CA10: variants seen among roughly 807,000 people sequenced by gnomAD.
CA10 encodes carbonic anhydrase-related protein 10.
Under a neutral mutation model 44.2 loss-of-function variants are expected in CA10, and 14 were observed. The ratio of observed to expected loss-of-function variants is 0.32; its 90% CI spans 0.21 to 0.50. CA10 has a LOEUF of 0.50. Ranked by LOEUF, CA10 falls within the 20% of genes least tolerant of loss-of-function variation. The pLI is 0.99. For missense variants in CA10, 350 were observed against 409.7 expected (o/e 0.85, Z 1.26); for synonymous variants, 159 against 141.6 (o/e 1.12, Z -0.87).
At chr17:51,938,223 C>A (rs1982939379) in intron 2 of CA10, among the ~76,000 whole-genome samples, 1 of 152,110 alleles carries the variant, frequency 6.6e-6, no homozygotes, top group African/African-American at 2.4e-5. Context: ...TATAAATGGT[C>A]TAGCATAATG....
chr17:52,087,861 G>A (rs1486014187), intron 1 of CA10, among the ~76,000 whole-genome samples: 3 of 152,154 alleles, frequency 2.0e-5, no homozygotes, highest in Non-Finnish European at 2.9e-5. Flanking sequence ...AAAACTTTCA[G>A]AAGAGTTAAC....
chr17:52,095,033 GCTTT>G (rs1158295605), intron 1 of CA10, among the ~76,000 whole-genome samples: 1 of 152,150 alleles, frequency 6.6e-6, no homozygotes, highest in Non-Finnish European at 1.5e-5. Context: ...GTTTACATCA[GCTTT>G]ATTTATCATA....
At chr17:51,993,610 T>C (rs1019334334) in intron 2 of CA10, among the ~76,000 whole-genome samples, 2 of 152,114 alleles carry the variant, frequency 1.3e-5, no homozygotes, top group Non-Finnish European at 2.9e-5. Context: ...TAATTATTTA[T>C]CATTGTATTC....
At chr17:51,728,583 C>A (rs1916606426) in intron 4 of CA10, among the ~76,000 whole-genome samples, 1 of 152,138 alleles carries the variant, frequency 6.6e-6, no homozygotes, top group Non-Finnish European at 1.5e-5. Context: ...TTATTCTGGG[C>A]TTATGGATTT....
chr17:52,124,894 T>A (rs1426935975), intron 1 of CA10, among the ~76,000 whole-genome samples: 1 of 152,238 alleles, frequency 6.6e-6, no homozygotes, highest in Non-Finnish European at 1.5e-5. Context: ...AAGGTCCATA[T>A]CTTTCTACAT....
At chr17:51,793,642 G>A (rs1366837230) in intron 3 of CA10, among the ~76,000 whole-genome samples, 1 of 152,198 alleles carries the variant, frequency 6.6e-6, no homozygotes, top group Non-Finnish European at 1.5e-5. Context: ...TAATAAACTT[G>A]TCTCCTGCAC....
chr17:51,898,713 G>A, intron 3 of CA10, among the ~76,000 whole-genome samples: 1 of 151,994 alleles, frequency 6.6e-6, no homozygotes, highest in Admixed American at 6.6e-5. Context: ...TTTTATTATT[G>A]ATTCAATTTC....
At chr17:51,717,825 G>GTATATATGTATA (rs1176862493) in intron 4 of CA10, among the ~76,000 whole-genome samples, 1 of 13,052 alleles carries the variant, frequency 7.7e-5, no homozygotes, top group African/African-American at 2.9e-4. Context: ...ATATATATGT[G>GTATATATGTATA]TGTGTATATA....
At chr17:52,154,406 T>C (rs1989762532) in intron 1 of CA10, among the ~76,000 whole-genome samples, 1 of 152,198 alleles carries the variant, frequency 6.6e-6, no homozygotes, top group African/African-American at 2.4e-5. Flanking sequence ...GTTATTGATG[T>C]TATTATTATG....
At chr17:51,787,734 G>A (rs1906348150) in intron 3 of CA10, among the ~76,000 whole-genome samples, 1 of 152,166 alleles carries the variant, frequency 6.6e-6, no homozygotes, top group African/African-American at 2.4e-5. Context: ...CTGACCTCAA[G>A]TGATCCACCT....
intron 4 of CA10, among the ~76,000 whole-genome samples, chr17:51,699,130 G>T (rs1597993166): frequency 1.3e-5 from 2 of 152,112 alleles, no homozygotes; most frequent in South Asian, 2.1e-4. Context: ...AGACCAGCCT[G>T]GGCAACATGG....
chr17:51,658,322 C>T (rs1913877250), intron 4 of CA10, among the ~76,000 whole-genome samples: 1 of 152,086 alleles, frequency 6.6e-6, no homozygotes, highest in Admixed American at 6.6e-5. Context: ...CTTTGTCCTC[C>T]TAGAGATAGT....
At chr17:51,734,070 G>A (rs1230334739) in intron 4 of CA10, among the ~76,000 whole-genome samples, 1 of 151,526 alleles carries the variant, frequency 6.6e-6, no homozygotes, top group Non-Finnish European at 1.5e-5. Flanking sequence ...AGATCCAAGT[G>A]AGCAGAACAA....
Position 51,630,780 on chromosome 17 carries a change from G to A in CA10, c.*804C>T, listed in dbSNP as rs189945280. ...AAAGCCAGAAAAATGAAATTAACTC[G>A]TTAAACACATTTATTGAGCTGGTAA... On this transcript the variant is annotated 3_prime_UTR_variant, in exon 9 of 9. Transcript: ENST00000451037. The A allele has an allele frequency of 3.3e-5, 5 of 152,708 alleles. No individual in the cohort carries two copies. The highest frequency in any genetic ancestry group is 6.5e-5 in the Admixed American group (1 of 15,300). 9.5% of individuals were successfully genotyped at this position (152,708 alleles called of 1,614,324 possible).
Position 52,068,206 on chromosome 17 carries a change from T to C in CA10, c.136+4113A>G, listed in dbSNP as rs140113719. Among the ~76,000 whole-genome samples the C allele has an allele frequency of 3.3e-5, 5 of 152,308 alleles. No homozygotes were observed. The East Asian group carries it at 9.7e-4, about 29-fold the overall frequency. ...TTGGATCTTGGGGTGGTTTCTCCCA[T>C]GCTGTTCTCATGATAGTAAGTTCTT... On this transcript the variant is annotated intron_variant, in intron 2 of 8. Transcript: ENST00000451037.
chr17:52,073,540 C>T (rs1987741031), intron 1 of CA10, among the ~76,000 whole-genome samples: 1 of 152,162 alleles, frequency 6.6e-6, no homozygotes, highest in South Asian at 2.1e-4. Flanking sequence ...CTGGAACTGA[C>T]AGTGGGCTTA....
chr17:52,056,694 A>G (rs867034603), intron 2 of CA10, among the ~76,000 whole-genome samples: 2 of 151,976 alleles, frequency 1.3e-5, no homozygotes, highest in African/African-American at 2.4e-5. Flanking sequence ...ACAAAAAGGA[A>G]TAACCTGAGG....
chr17:51,783,617 T>C (rs546181987), intron 3 of CA10, among the ~76,000 whole-genome samples: 2 of 151,096 alleles, frequency 1.3e-5, no homozygotes, highest in African/African-American at 2.4e-5. Flanking sequence ...AAAAAAGAAC[T>C]GAAAAGAAAG....
At chr17:51,941,197 C>T (rs1191654440) in intron 2 of CA10, among the ~76,000 whole-genome samples, 1 of 152,134 alleles carries the variant, frequency 6.6e-6, no homozygotes, top group Non-Finnish European at 1.5e-5. Flanking sequence ...TCTCATTCAT[C>T]CCTCAGACCT....
Sources: allele counts gnomAD v4.1 joint callset (sites outside exome capture counted in the v4.1 genomes callset), GRCh38; gene constraint gnomAD v4.1.1; transcripts MANE v1.5; gene names NCBI Gene and HGNC (gene_info 2026-07-23, HGNC 2026-07-21).